The following QTMAN variants were observed in gnomAD, a reference collection of about 807,000 sequenced individuals.
QTMAN encodes tRNA-queuosine alpha-mannosyltransferase.
At chr2:144,020,705 C>T in the QTMAN span, among the ~76,000 whole-genome samples, 1 of 152,088 alleles carries the variant, frequency 6.6e-6, no homozygotes, top group Non-Finnish European at 1.5e-5. Flanking sequence ...ACCCCCATCA[C>T]ACACCCTGGG....
chr2:143,991,355 G>A, the QTMAN span, among the ~76,000 whole-genome samples: 7 of 152,160 alleles, frequency 4.6e-5, no homozygotes, highest in African/African-American at 1.7e-4. Flanking sequence ...AGTAGCTAGA[G>A]AGAAAACCCT....
At chr2:144,023,855 C>A in the QTMAN span, among the ~76,000 whole-genome samples, 1 of 152,078 alleles carries the variant, frequency 6.6e-6, no homozygotes, top group East Asian at 1.9e-4. Context: ...AAAAAAATTT[C>A]TTGTAACTGA....
the QTMAN span, among the ~76,000 whole-genome samples, chr2:144,110,558 T>A: frequency 6.6e-6 from 1 of 151,398 alleles, no homozygotes. Flanking sequence ...AAAAAATAAA[T>A]AAATAAATAA....
the QTMAN span, among the ~76,000 whole-genome samples, chr2:144,134,656 T>C: frequency 1.3e-4 from 20 of 152,118 alleles, no homozygotes; most frequent in African/African-American, 4.6e-4. Flanking sequence ...GAAATTCTGT[T>C]GTAGTGATCA....
At chr2:144,314,099 T>G in the QTMAN span, among the ~76,000 whole-genome samples, 1 of 152,144 alleles carries the variant, frequency 6.6e-6, no homozygotes, top group Non-Finnish European at 1.5e-5. Context: ...ATACAAAAAT[T>G]CTGTTTATAG....
chr2:144,000,918 T>G, the QTMAN span, among the ~76,000 whole-genome samples: 5 of 151,980 alleles, frequency 3.3e-5, no homozygotes, highest in Admixed American at 2.6e-4. Flanking sequence ...CAGCCTAGCA[T>G]GGCACCTGAA....
chr2:144,251,075 T>C, the QTMAN span, among the ~76,000 whole-genome samples: 2 of 152,144 alleles, frequency 1.3e-5, no homozygotes, highest in Non-Finnish European at 2.9e-5. Context: ...AGCCACTTTG[T>C]ATAAAAGTAG....
chr2:144,074,030 A>C, the QTMAN span, among the ~76,000 whole-genome samples: 2 of 152,250 alleles, frequency 1.3e-5, no homozygotes, highest in East Asian at 3.9e-4. Context: ...TCCAGGACTC[A>C]CTCTTGAGTA....
At chr2:144,169,531 C>CT in the QTMAN span, among the ~76,000 whole-genome samples, 4 of 151,816 alleles carry the variant, frequency 2.6e-5, no homozygotes, top group African/African-American at 4.8e-5. Flanking sequence ...GGATTTAATT[C>CT]TTTTTTATTA....
chr2:144,299,997 G>A, the QTMAN span, among the ~76,000 whole-genome samples: 1 of 152,214 alleles, frequency 6.6e-6, no homozygotes, highest in Non-Finnish European at 1.5e-5. Flanking sequence ...ATTATACTAA[G>A]TAAAATAAAC....
chr2:144,030,125 G>A, the QTMAN span, among the ~76,000 whole-genome samples: 2 of 152,192 alleles, frequency 1.3e-5, no homozygotes, highest in African/African-American at 2.4e-5. Context: ...GCAGTTTAGA[G>A]TGTAGCAAAT....
chr2:144,109,695 G>GA, the QTMAN span, among the ~76,000 whole-genome samples: 43 of 143,786 alleles, frequency 3.0e-4, no homozygotes, highest in Admixed American at 7.0e-4. Context: ...AAATTTACAA[G>GA]AAAAAAAAAA....
At chr2:144,328,596 G>A in the QTMAN span, among the ~76,000 whole-genome samples, 5 of 152,270 alleles carry the variant, frequency 3.3e-5, no homozygotes, top group Admixed American at 6.5e-5. Context: ...GGTGACAGAG[G>A]TCTTAAAATA....
chr2:144,133,456 AATAT>A, the QTMAN span, among the ~76,000 whole-genome samples: 1 of 44,434 alleles, frequency 2.3e-5, no homozygotes. Flanking sequence ...TATAATATAT[AATAT>A]ATATTATATA....
At chr2:144,147,819 T>C in the QTMAN span, among the ~76,000 whole-genome samples, 1 of 151,932 alleles carries the variant, frequency 6.6e-6, no homozygotes, top group Non-Finnish European at 1.5e-5. Context: ...AGTGATATTA[T>C]GTATTTCCAA....
the QTMAN span, chr2:143,957,250 A>C: frequency 6.2e-7 from 1 of 1,612,756 alleles, no homozygotes; most frequent in Non-Finnish European, 8.5e-7. Flanking sequence ...TCAGCCATGC[A>C]CAGTACTTGG....
At chr2:143,992,498 C>T in the QTMAN span, among the ~76,000 whole-genome samples, 2 of 150,208 alleles carry the variant, frequency 1.3e-5, no homozygotes, top group African/African-American at 4.9e-5. Flanking sequence ...CCTGCCAAAT[C>T]CCCCTCTGTG....
At chr2:143,994,301 TTAG>T in the QTMAN span, among the ~76,000 whole-genome samples, 4 of 152,060 alleles carry the variant, frequency 2.6e-5, no homozygotes, top group East Asian at 7.7e-4. Context: ...TAAGAAAAAA[TTAG>T]TAGGTATTTA....
chr2:143,997,259 A>AG, the QTMAN span, among the ~76,000 whole-genome samples: 3 of 152,144 alleles, frequency 2.0e-5, no homozygotes, highest in African/African-American at 7.2e-5. Context: ...GCACCCACTC[A>AG]GACATTTTAA....
Sources: allele counts gnomAD v4.1 joint callset (sites outside exome capture counted in the v4.1 genomes callset), GRCh38; gene constraint gnomAD v4.1.1; transcripts MANE v1.5; gene names NCBI Gene and HGNC (gene_info 2026-07-23, HGNC 2026-07-21).